The following EPB41L4A variants were observed in gnomAD, a reference collection of about 807,000 sequenced individuals.
EPB41L4A encodes band 4.1-like protein 4A.
Under a neutral mutation model 108.6 loss-of-function variants are expected in EPB41L4A, and 100 were observed. The ratio of observed to expected loss-of-function variants is 0.92; its 90% CI spans 0.78 to 1.09. EPB41L4A has a LOEUF of 1.09. EPB41L4A is among the 50% of genes least tolerant of loss of function. The pLI is 0.00. For synonymous variants in EPB41L4A, 319 were observed against 289.0 expected, an observed-to-expected ratio of 1.10 and a Z score of -1.05; for missense variants, 1,030 against 842.7, an observed-to-expected ratio of 1.22 and a Z score of -2.75.
chr5:112,153,025 C>T (rs2112810504), intron 12 of EPB41L4A, among the ~76,000 whole-genome samples: 1 of 148,582 alleles, frequency 6.7e-6, no homozygotes, highest in East Asian at 2.1e-4. Flanking sequence ...TCGAGACTAG[C>T]CTGGGCAACA....
At chr5:112,385,629 G>T (rs1431075457) in intron 1 of EPB41L4A, among the ~76,000 whole-genome samples, 11 of 151,716 alleles carry the variant, frequency 7.3e-5, no homozygotes, top group African/African-American at 2.4e-4. Flanking sequence ...GAAATTAGAA[G>T]AATTGTAGTT....
chr5:112,416,093 G>C (rs898395302), intron 1 of EPB41L4A, among the ~76,000 whole-genome samples: 1 of 150,840 alleles, frequency 6.6e-6, no homozygotes, highest in African/African-American at 2.5e-5. Context: ...TTGTCTTCAG[G>C]CTGAAACACT....
Position 112,165,051 on chromosome 5 carries a change from C to T in EPB41L4A, c.2000G>A (p.Gly667Glu), listed in dbSNP as rs781666158. Residue 667 changes from glycine to glutamate, a missense_variant, in exon 23 of 23, where the codon GGA (glycine) becomes GAA (glutamate). By Grantham distance (98) the Gly-to-Glu change is moderately conservative (BLOSUM62 -2). Transcript: ENST00000261486. ...TTTTATTGTTTTTGCTGTGTGTTTT[C>T]CAGCCAGGTTGTTTGTAGATGTCTG... ...KPQTSTNNLA[G>E]KHTAKTIKTI... 1.2e-6 allele frequency: 2 copies of T among 1,613,888 alleles called. No individual in the cohort carries two copies. Among genetic ancestry groups the T allele is most frequent in the South Asian group, 2.2e-5 (2 of 91,060 alleles).
chr5:112,213,047 T>C (rs1456192184), intron 12 of EPB41L4A, among the ~76,000 whole-genome samples: 3 of 152,224 alleles, frequency 2.0e-5, no homozygotes, highest in South Asian at 2.1e-4. Flanking sequence ...ATTTGGTTTT[T>C]CACAATGTCT....
intron 1 of EPB41L4A, among the ~76,000 whole-genome samples, chr5:112,360,857 G>A (rs980968552): frequency 6.6e-6 from 1 of 151,990 alleles, no homozygotes; most frequent in Non-Finnish European, 1.5e-5. Context: ...CTCCGTCTGG[G>A]ATGTGAGGAG....
intron 1 of EPB41L4A, among the ~76,000 whole-genome samples, chr5:112,321,175 A>C (rs950509072): frequency 6.6e-6 from 1 of 152,192 alleles, no homozygotes. Context: ...ACACGACAAG[A>C]GTCAGAGAAG....
At chr5:112,326,411 G>A (rs1174745904) in intron 1 of EPB41L4A, among the ~76,000 whole-genome samples, 1 of 152,116 alleles carries the variant, frequency 6.6e-6, no homozygotes, top group Non-Finnish European at 1.5e-5. Context: ...TTTCATGGCA[G>A]AGGCAACAAA....
chr5:112,207,739 C>T (rs1004893584), intron 13 of EPB41L4A, among the ~76,000 whole-genome samples: 1 of 152,046 alleles, frequency 6.6e-6, no homozygotes. Context: ...TCTCCCCAGT[C>T]AGAATACCTA....
intron 11 of EPB41L4A, among the ~76,000 whole-genome samples, chr5:112,236,760 A>G (rs1320705656): frequency 6.6e-6 from 1 of 152,214 alleles, no homozygotes; most frequent in Non-Finnish European, 1.5e-5. Flanking sequence ...GAGAGTAGAA[A>G]TACTCAGGTT....
At chr5:112,341,291 G>C (rs1340234022) in intron 1 of EPB41L4A, among the ~76,000 whole-genome samples, 4 of 152,178 alleles carry the variant, frequency 2.6e-5, no homozygotes, top group African/African-American at 7.2e-5. Context: ...AACTGTGTTT[G>C]ATTATAATGC....
At chr5:112,416,168 A>G (rs1184941793) in intron 1 of EPB41L4A, among the ~76,000 whole-genome samples, 1 of 152,118 alleles carries the variant, frequency 6.6e-6, no homozygotes, top group Non-Finnish European at 1.5e-5. Flanking sequence ...GTTGAAGAAA[A>G]ATCACTTCAA....
chr5:112,399,544 T>C (rs922763266), intron 1 of EPB41L4A, among the ~76,000 whole-genome samples: 1 of 152,136 alleles, frequency 6.6e-6, no homozygotes, highest in African/African-American at 2.4e-5. Flanking sequence ...CTCACTATCT[T>C]TTTTTCTCTA....
chr5:112,408,820 T>TA (rs1762246702), intron 1 of EPB41L4A, among the ~76,000 whole-genome samples: 1 of 138,838 alleles, frequency 7.2e-6, no homozygotes, highest in Admixed American at 7.4e-5. Flanking sequence ...AGGATGATAA[T>TA]AAAAAAAGAT....
At chr5:112,361,823 G>A (rs1301624897) in intron 1 of EPB41L4A, among the ~76,000 whole-genome samples, 1 of 152,110 alleles carries the variant, frequency 6.6e-6, no homozygotes, top group African/African-American at 2.4e-5. Context: ...GGAGGCAGCA[G>A]TTGCAGTGAG....
intron 1 of EPB41L4A, among the ~76,000 whole-genome samples, chr5:112,376,699 A>G (rs1402722987): frequency 2.0e-5 from 3 of 152,238 alleles, no homozygotes; most frequent in African/African-American, 7.2e-5. Flanking sequence ...TCATCAATAA[A>G]AAAGGAACAA....
At chr5:112,278,040 CAAG>C (rs975945809) in intron 3 of EPB41L4A, among the ~76,000 whole-genome samples, 60 of 152,156 alleles carry the variant, frequency 3.9e-4, no homozygotes, top group African/African-American at 1.4e-3. Context: ...CTCATTAACT[CAAG>C]GAGAAATAAA....
At chr5:112,299,407 T>G (rs1414384867) in intron 2 of EPB41L4A, among the ~76,000 whole-genome samples, 1 of 152,208 alleles carries the variant, frequency 6.6e-6, no homozygotes, top group African/African-American at 2.4e-5. Context: ...TTGATATAAT[T>G]TCAGTTTTCT....
At chr5:112,252,694 C>T (rs1580534353) in intron 9 of EPB41L4A, among the ~76,000 whole-genome samples, 1 of 151,966 alleles carries the variant, frequency 6.6e-6, no homozygotes, top group Admixed American at 6.6e-5. Flanking sequence ...CTGGGGACTA[C>T]TGGATGGGGG....
At chr5:112,290,797 A>C (rs1753593856) in intron 2 of EPB41L4A, among the ~76,000 whole-genome samples, 2 of 152,152 alleles carry the variant, frequency 1.3e-5, no homozygotes, top group Admixed American at 6.5e-5. Context: ...CTAACCAAGT[A>C]ATCTGGCACA....
Sources: allele counts gnomAD v4.1 joint callset (sites outside exome capture counted in the v4.1 genomes callset), GRCh38; gene constraint gnomAD v4.1.1; transcripts MANE v1.5; gene names NCBI Gene and HGNC (gene_info 2026-07-23, HGNC 2026-07-21).